The following DYNC2I1 variants were observed in gnomAD, a reference collection of about 807,000 sequenced individuals.
DYNC2I1 encodes the protein cytoplasmic dynein 2 intermediate chain 1.
Under a neutral mutation model 133.4 loss-of-function variants are expected in DYNC2I1, and 89 were observed. The observed-to-expected ratio is 0.67, with a 90% CI of 0.56 to 0.80. DYNC2I1 has a LOEUF of 0.80. Ranked by LOEUF, DYNC2I1 falls within the 30% of genes least tolerant of loss-of-function variation. The probability of loss-of-function intolerance (pLI) is 0.00; values close to 1 mark genes in which losing one functional copy is unlikely to be tolerated. For synonymous variants in DYNC2I1, 504 were observed against 484.3 expected (o/e 1.04, Z -0.54); for missense variants, 1,291 against 1,314.5 (o/e 0.98, Z 0.28).
In DYNC2I1 at chr7:158,945,625, G is replaced by C; in HGVS notation, c.3047G>C (p.Gly1016Ala). Residue 1016 changes from glycine to alanine, a missense_variant, in exon 25 of 25, where the codon GGC becomes GCC. Coordinates refer to ENST00000407559, the MANE Select transcript of DYNC2I1 (RefSeq NM_018051.5). This position sits in a 1 kb window ranked among gnomAD's most constrained non-coding sequence, Gnocchi z 4.1. ...GTGGGTGAGCCTGAGAAGGCTGGTG[G>C]CAGCTTCCTGGCCCTGGTGCTGGCC... ...AAVGEPEKAG[G>A]SFLALVLARA... 1 of 1,610,904 alleles carries C rather than the reference G, an allele frequency of 6.2e-7. No homozygotes were observed.
At chr7:158,900,257 G>A (rs1379337665) in intron 8 of DYNC2I1, among the ~76,000 whole-genome samples, 1 of 151,848 alleles carries the variant, frequency 6.6e-6, no homozygotes, top group Non-Finnish European at 1.5e-5. Context: ...AAGTAGCTGG[G>A]GTTACAGGCA....
chr7:158,882,001 C>T (rs1383539029), intron 5 of DYNC2I1, among the ~76,000 whole-genome samples: 2 of 152,202 alleles, frequency 1.3e-5, no homozygotes, highest in African/African-American at 4.8e-5. Flanking sequence ...AAATGCCTTT[C>T]TGGACATAGA....
At position 158,914,195 on chromosome 7, in the gene DYNC2I1, G is replaced by A. The variant is rs1029399319; in HGVS notation, c.1703-38G>A. The A allele has an allele frequency of 5.3e-5, 82 of 1,540,874 alleles. No individual in the cohort carries two copies. The African/African-American group carries it at 9.7e-4, about 18-fold the overall frequency. Reference sequence around the variant, plus strand: ...ATGTGTAATGCATGATTATTTTAGAGTCGACTTCGTTGATTTTATATAAAC... The same window carrying A: ...ATGTGTAATGCATGATTATTTTAGAATCGACTTCGTTGATTTTATATAAAC... On this transcript the variant is annotated intron_variant, in intron 13 of 24. Coordinates refer to ENST00000407559, the MANE Select transcript of DYNC2I1 (RefSeq NM_018051.5).
Position 158,876,825 on chromosome 7 carries a change from T to G in DYNC2I1, c.573+134T>G, listed in dbSNP as rs1465964784. On this transcript the variant is annotated intron_variant, in intron 4 of 24. Transcript: ENST00000407559. Reference sequence around the variant, plus strand: ...CAGTCCTGGAAAAGGCCTCCAGCACTGTGTATAGTCAGTTTCTTTCTCCTC... The same window carrying G: ...CAGTCCTGGAAAAGGCCTCCAGCACGGTGTATAGTCAGTTTCTTTCTCCTC... 3 of 1,179,318 alleles carry G rather than the reference T, an allele frequency of 2.5e-6. No homozygotes were observed. The African/African-American group carries it at 4.7e-5, about 19-fold the overall frequency. 73.1% of individuals were successfully genotyped at this position (1,179,318 alleles called of 1,614,324 possible). A position where few individuals can be genotyped will look rare whatever the true frequency, so the allele number is the denominator to read the frequency against.
At chr7:158,944,438 T>C (rs1466643626) in intron 24 of DYNC2I1, among the ~76,000 whole-genome samples, 1 of 152,196 alleles carries the variant, frequency 6.6e-6, no homozygotes, top group Non-Finnish European at 1.5e-5. Context: ...AGGGAAGCCT[T>C]TGGTGTCCAC....
chr7:158,895,342 A>G (rs895757036), intron 8 of DYNC2I1, among the ~76,000 whole-genome samples: 2 of 152,208 alleles, frequency 1.3e-5, no homozygotes, highest in African/African-American at 4.8e-5. Flanking sequence ...AGGTCTGTCT[A>G]GATCATAGTG....
At chr7:158,848,386 T>C in the DYNC2I1 span, among the ~76,000 whole-genome samples, 76 of 152,198 alleles carry the variant, frequency 5.0e-4, 1 homozygote, top group African/African-American at 1.7e-3. Context: ...CCATTTTACA[T>C]GGGCACCTTG....
upstream of DYNC2I1, among the ~76,000 whole-genome samples, chr7:158,853,982 C>T (rs1841112067): frequency 6.7e-6 from 1 of 149,002 alleles, no homozygotes; most frequent in South Asian, 2.1e-4. Context: ...ATCAGTGTCC[C>T]CCAAAATTTG....
chr7:158,870,663 A>G (rs1842799305), intron 2 of DYNC2I1, among the ~76,000 whole-genome samples: 1 of 152,056 alleles, frequency 6.6e-6, no homozygotes, highest in Non-Finnish European at 1.5e-5. Flanking sequence ...GTGAGATACC[A>G]TGCCTGGTCC....
intron 2 of DYNC2I1, among the ~76,000 whole-genome samples, chr7:158,870,427 C>A (rs1842779492): frequency 6.6e-6 from 1 of 152,082 alleles, no homozygotes; most frequent in African/African-American, 2.4e-5. Flanking sequence ...AATCATAGCC[C>A]ACTGCAGCCT....
chr7:158,889,960 C>T (rs1236781685), intron 7 of DYNC2I1, among the ~76,000 whole-genome samples: 5 of 137,580 alleles, frequency 3.6e-5, no homozygotes, highest in Admixed American at 3.3e-4. Context: ...GAGCCGAGAT[C>T]GTGTCACTGC....
chr7:158,865,474 TG>T (rs1198918394), intron 1 of DYNC2I1, among the ~76,000 whole-genome samples: 1 of 152,220 alleles, frequency 6.6e-6, no homozygotes, highest in Non-Finnish European at 1.5e-5. Flanking sequence ...CCTGGGGAGC[TG>T]GTGCTGGGCA....
At chr7:158,910,222 T>A (rs1190583477) in intron 11 of DYNC2I1, among the ~76,000 whole-genome samples, 3 of 152,256 alleles carry the variant, frequency 2.0e-5, no homozygotes, top group Non-Finnish European at 2.9e-5. Flanking sequence ...AAGGAACTGT[T>A]TGTGAAGCAA....
downstream of DYNC2I1, among the ~76,000 whole-genome samples, chr7:158,947,714 T>C (rs1851930781): frequency 6.6e-6 from 1 of 152,198 alleles, no homozygotes; most frequent in Non-Finnish European, 1.5e-5. Context: ...GGCTGGGGGC[T>C]CACTCCCCCC....
chr7:158,850,754 G>A, the DYNC2I1 span, among the ~76,000 whole-genome samples: 1 of 152,160 alleles, frequency 6.6e-6, no homozygotes, highest in Non-Finnish European at 1.5e-5. Context: ...GTTAACTGAA[G>A]CTATCCCTAT....
At chr7:158,926,489 A>G (rs764024150) in intron 19 of DYNC2I1, 26 bp downstream of exon 19, 9 of 1,607,988 alleles carry the variant, frequency 5.6e-6, no homozygotes, top group Non-Finnish European at 6.8e-6. Context: ...GGCCGGGCAC[A>G]TGCGGGGCCT....
intron 11 of DYNC2I1, among the ~76,000 whole-genome samples, chr7:158,907,919 C>G (rs1214044068): frequency 6.6e-6 from 1 of 151,846 alleles, no homozygotes; most frequent in East Asian, 1.9e-4. Flanking sequence ...GGCTGGTAAT[C>G]TAGTAATTGG....
intron 4 of DYNC2I1, among the ~76,000 whole-genome samples, chr7:158,952,380 A>AT (rs1324766355): frequency 1.3e-5 from 2 of 152,126 alleles, no homozygotes; most frequent in Non-Finnish European, 2.9e-5. Flanking sequence ...CTGAATTGGT[A>AT]TTTTTAGCTT....
At chr7:158,906,834 C>G (rs1161762559) in intron 11 of DYNC2I1, among the ~76,000 whole-genome samples, 1 of 152,134 alleles carries the variant, frequency 6.6e-6, no homozygotes, top group Non-Finnish European at 1.5e-5. Flanking sequence ...TTAGTCAGTA[C>G]TCAATAAATA....
Sources: allele counts gnomAD v4.1 joint callset (sites outside exome capture counted in the v4.1 genomes callset), GRCh38; gene constraint gnomAD v4.1.1; non-coding constraint Gnocchi (gnomAD v3.1); transcripts MANE v1.5; gene names NCBI Gene and HGNC (gene_info 2026-07-23, HGNC 2026-07-21).